The following STXBP3 variants were observed in gnomAD, a reference collection of about 807,000 sequenced individuals.
The protein encoded by STXBP3 is syntaxin-binding protein 3.
A neutral mutation model predicts 85.7 loss-of-function variants in STXBP3; 41 were observed. The ratio of observed to expected loss-of-function variants is 0.48; its 90% confidence interval spans 0.37 to 0.62. The LOEUF is 0.62. Ranked by LOEUF, STXBP3 falls within the 20% of genes least tolerant of loss-of-function variation. STXBP3 has a pLI of 0.00. For synonymous variants in STXBP3, 229 were observed against 231.7 expected, an observed-to-expected ratio of 0.99 and a Z score of 0.10; for missense variants, 563 against 703.1, an observed-to-expected ratio of 0.80 and a Z score of 2.25.
At chr1:108,797,189 TACAAAAA>T (rs1266238895) in intron 15 of STXBP3, among the ~76,000 whole-genome samples, 1 of 151,748 alleles carries the variant, frequency 6.6e-6, no homozygotes, top group African/African-American at 2.4e-5. Context: ...ACCTCGCCTC[TACAAAAA>T]ACAAAAAAAT....
At position 108,807,407 on chromosome 1, in the gene STXBP3, C is replaced by T; in HGVS notation, c.1542C>T (p.Arg514=). Residue 514 remains arginine, a synonymous_variant, in exon 18 of 19, where the codon CGC becomes CGT. Coordinates refer to ENST00000370008, the MANE Select transcript of STXBP3 (RefSeq NM_007269.4). ...TTTTTAAATTACTTTTTAGTGCTCG[C>T]CAGAAACCCAGAGCTAATTATTTAG... is the stretch of plus-strand genomic sequence containing the variant. The part of the protein sequence containing the change: ...VWNGSGAVSA[R]QKPRANYLED... 1 of 1,601,840 alleles carries T rather than the reference C, an allele frequency of 6.2e-7. No homozygotes were observed.
chr1:108,793,986 T>G, intron 12 of STXBP3, among the ~76,000 whole-genome samples: 1 of 152,228 alleles, frequency 6.6e-6, no homozygotes, highest in Admixed American at 6.5e-5. Context: ...AGTTACTTAC[T>G]AGTAGATTTA....
intron 11 of STXBP3, among the ~76,000 whole-genome samples, chr1:108,783,480 G>A (rs1036083584): frequency 5.3e-5 from 8 of 152,004 alleles, no homozygotes; most frequent in South Asian, 2.1e-4. Flanking sequence ...CCTGTGTTAC[G>A]TATTTTAGTA....
chr1:108,760,546 T>C (rs1436485208), intron 6 of STXBP3, among the ~76,000 whole-genome samples: 1 of 152,198 alleles, frequency 6.6e-6, no homozygotes, highest in Non-Finnish European at 1.5e-5. Flanking sequence ...ATAATAGCAA[T>C]GATTATAATG....
intron 9 of STXBP3, chr1:108,780,653 G>A (rs1767026): frequency 0.71 from 106,164 of 150,476 alleles, 38,344 homozygotes; most frequent in Non-Finnish European, 0.77. Flanking sequence ...GCAGGGGTGA[G>A]CCACCACGCC....
At chr1:108,788,123 G>A (rs553285693) in intron 11 of STXBP3, among the ~76,000 whole-genome samples, 13 of 152,180 alleles carry the variant, frequency 8.5e-5, no homozygotes, top group Middle Eastern at 3.4e-3. Context: ...AGGAAATTTC[G>A]ATGTTGGATT....
rs190182881 is a variant in STXBP3 at position 108,776,967 on chromosome 1, A to G, written c.684+544A>G. On this transcript the variant is annotated intron_variant, in intron 8 of 18. Coordinates refer to ENST00000370008, the MANE Select transcript of STXBP3 (RefSeq NM_007269.4). ...GTTAGCATGTAAGTATTTGGCACCA[A>G]TGTGAATTTAATAAATGGCAGCCAT... 1.8e-4 allele frequency among the ~76,000 whole-genome samples: 27 copies of G among 152,294 alleles called. No individual in the cohort carries two copies. The East Asian group carries it at 5.0e-3, about 28-fold the overall frequency.
Position 108,800,924 on chromosome 1 carries a change from T to C in STXBP3, c.1535+619T>C, listed in dbSNP as rs192977329. On this transcript the variant is annotated intron_variant, in intron 17 of 18. Coordinates refer to ENST00000370008, the MANE Select transcript of STXBP3 (RefSeq NM_007269.4). ...TGTTGAGTTTCTTAAATCTGCAAGTTAATAATTTTCATCAAATTTGGGAAG... is the reference window on the plus strand; with the variant it reads ...TGTTGAGTTTCTTAAATCTGCAAGTCAATAATTTTCATCAAATTTGGGAAG... Among the ~76,000 whole-genome samples, 509 of 152,332 alleles carry C rather than the reference T, an allele frequency of 3.3e-3. 1 individual carries two copies. The highest frequency in any genetic ancestry group is 0.012 in the African/African-American group (495 of 41,582).
intron 13 of STXBP3, among the ~76,000 whole-genome samples, chr1:108,795,808 G>T (rs192941097): frequency 1.3e-5 from 2 of 152,316 alleles, no homozygotes; most frequent in Non-Finnish European, 2.9e-5. Flanking sequence ...ATTTTCTTGT[G>T]TAATGTCATC....
chr1:108,763,880 C>T (rs1439967556), intron 6 of STXBP3, among the ~76,000 whole-genome samples: 1 of 152,082 alleles, frequency 6.6e-6, no homozygotes, highest in Non-Finnish European at 1.5e-5. Context: ...CTGCGTCTGG[C>T]CCTAACTTTT....
intron 7 of STXBP3, among the ~76,000 whole-genome samples, chr1:108,775,701 C>T (rs375987555): frequency 3.9e-5 from 6 of 151,936 alleles, no homozygotes; most frequent in African/African-American, 1.5e-4. Flanking sequence ...ACATGGTGAC[C>T]GCCAGTTCCA....
At chr1:108,785,157 A>G (rs532594927) in intron 11 of STXBP3, among the ~76,000 whole-genome samples, 12 of 152,336 alleles carry the variant, frequency 7.9e-5, no homozygotes, top group African/African-American at 2.9e-4. Flanking sequence ...CCCAGTGGCA[A>G]CTATGTGTGG....
At chr1:108,804,576 C>A (rs1663291047) in intron 17 of STXBP3, among the ~76,000 whole-genome samples, 1 of 152,160 alleles carries the variant, frequency 6.6e-6, no homozygotes, top group African/African-American at 2.4e-5. Context: ...ATTTTGAATG[C>A]TGAGTTTATT....
At position 108,789,279 on chromosome 1, in the gene STXBP3, C is replaced by T. The variant is rs543773864; in HGVS notation, c.964-4303C>T. On this transcript the variant is annotated intron_variant, in intron 11 of 18. Transcript: ENST00000370008. ...GCCCAGGACGGCTGTGAATGTGGCC[C>T]AACACAAATTTGTAAACTTTCTTAA... Among the ~76,000 whole-genome samples, 3 of 152,138 alleles carry T rather than the reference C, an allele frequency of 2.0e-5. No individual in the cohort carries two copies. The South Asian group carries it at 6.2e-4, about 32-fold the overall frequency.
chr1:108,767,225 A>G (rs939538530), intron 6 of STXBP3: 9 of 225,582 alleles, frequency 4.0e-5, no homozygotes, highest in East Asian at 3.0e-4. Context: ...TCTGATTTCA[A>G]TGAGCATAGC....
At chr1:108,776,200 C>A in intron 7 of STXBP3, 133 bp from the exon 8 acceptor site, 3 of 497,446 alleles carry the variant, frequency 6.0e-6, no homozygotes, top group South Asian at 4.9e-5. Flanking sequence ...TGAACTTTTA[C>A]ATGTTTATAA....
chr1:108,787,792 TTTTTC>T (rs1218714758), intron 11 of STXBP3, among the ~76,000 whole-genome samples: 29 of 152,018 alleles, frequency 1.9e-4, no homozygotes, highest in African/African-American at 6.8e-4. Flanking sequence ...GTTTTTTTCT[TTTTTC>T]TTTTTTTTAA....
At chr1:108,797,112 G>C (rs1385908987) in intron 15 of STXBP3, among the ~76,000 whole-genome samples, 1 of 151,878 alleles carries the variant, frequency 6.6e-6, no homozygotes, top group Non-Finnish European at 1.5e-5. Context: ...CAACACTCTG[G>C]GAGACGCTGA....
At position 108,756,599 on chromosome 1, in the gene STXBP3, A is replaced by G. The variant is rs1043509863; in HGVS notation, c.182-91A>G. 19 of 638,024 alleles carry G rather than the reference A, an allele frequency of 3.0e-5. No homozygotes were observed. The African/African-American group carries it at 3.5e-4, about 12-fold the overall frequency. The allele number at this position is 638,024 out of a possible 1,614,324, so 39.5% of individuals were successfully genotyped here. A position where few individuals can be genotyped will look rare whatever the true frequency, so the allele number is the denominator to read the frequency against. On this transcript the variant is annotated intron_variant, in intron 3 of 18. Coordinates refer to ENST00000370008, the MANE Select transcript of STXBP3 (RefSeq NM_007269.4). ...TTATTTGTAAATGTATTTTCATATT[A>G]TTATAAATGGAAAGTACAGTAAAGT...
Sources: allele counts gnomAD v4.1 joint callset (sites outside exome capture counted in the v4.1 genomes callset), GRCh38; gene constraint gnomAD v4.1.1; transcripts MANE v1.5; gene names NCBI Gene and HGNC (gene_info 2026-07-23, HGNC 2026-07-21).